USP42: variants seen among roughly 807,000 people sequenced by gnomAD.
USP42 encodes ubiquitin specific peptidase 42, also known as ubiquitin carboxyl-terminal hydrolase 42.
A neutral mutation model predicts 113.0 loss-of-function variants in USP42; 23 were observed. The observed-to-expected ratio is 0.20, with a 90% CI of 0.15 to 0.29. The LOEUF (loss-of-function observed/expected upper bound fraction) is 0.29, where lower values mean the gene tolerates loss of function less well. Ranked by LOEUF, USP42 falls within the 10% of genes least tolerant of loss-of-function variation. USP42 has a pLI of 1.00. For synonymous variants in USP42, 933 were observed against 699.0 expected (o/e 1.33, Z -5.28); for missense variants, 2,174 against 1,779.8 (o/e 1.22, Z -3.99).
At chr7:6,106,731 A>T (rs896758747) in intron 1 of USP42, among the ~76,000 whole-genome samples, 1 of 145,988 alleles carries the variant, frequency 6.8e-6, no homozygotes, top group African/African-American at 2.5e-5. Flanking sequence ...CACCCAGCTA[A>T]TTTTTTTTTT....
intron 14 of USP42, among the ~76,000 whole-genome samples, 182 bp downstream of exon 14, chr7:6,150,688 T>G (rs1293630573): frequency 6.6e-6 from 1 of 152,208 alleles, no homozygotes; most frequent in Non-Finnish European, 1.5e-5. Flanking sequence ...AGAAAAAATG[T>G]GGCATACAGG....
intron 3 of USP42, chr7:6,128,289 G>C (rs1263212260): frequency 2.0e-5 from 3 of 148,572 alleles, no homozygotes; most frequent in African/African-American, 7.5e-5. Flanking sequence ...TTGAGATGAG[G>C]TCTCACTCTG....
the USP42 span, among the ~76,000 whole-genome samples, chr7:6,082,108 A>G: frequency 6.6e-6 from 1 of 151,698 alleles, no homozygotes; most frequent in East Asian, 1.9e-4. Flanking sequence ...TGCAGAAAAT[A>G]TATATTTATG....
At position 6,154,762 on chromosome 7, in the gene USP42, G is replaced by T. The variant is rs1357485604; in HGVS notation, c.3208G>T (p.Ala1070Ser). Reference sequence around the variant, plus strand: ...CTACCATGACAGGTACGCCCTGTACGCTGCCCGGGACTGGAAGCCCTTCCA... The same window carrying T: ...CTACCATGACAGGTACGCCCTGTACTCTGCCCGGGACTGGAAGCCCTTCCA... ...RYYHDRYALY[A>S]ARDWKPFHGG... Residue 1070 changes from alanine (A) to serine (S), a missense_variant, in exon 15 of 18, where the codon GCT becomes TCT. Transcript: ENST00000306177. 3.9e-6 allele frequency: 6 copies of T among 1,558,040 alleles called. No homozygotes were observed. The highest frequency in any genetic ancestry group is 2.4e-5 in the East Asian group (1 of 41,328).
intron 12 of USP42, among the ~76,000 whole-genome samples, 167 bp from the exon 13 acceptor site, chr7:6,149,416 C>T (rs893452394): frequency 3.3e-5 from 5 of 150,022 alleles, no homozygotes; most frequent in Admixed American, 2.0e-4. Context: ...AAAGTATGCG[C>T]GGGTAGGAGG....
chr7:6,125,073 C>G (rs58988271), intron 3 of USP42, among the ~76,000 whole-genome samples: 20,371 of 150,438 alleles, frequency 0.14, 1,559 homozygotes, highest in African/African-American at 0.2. Context: ...TCCAGTTATT[C>G]AGGAGGCTGA....
At position 6,159,842 on chromosome 7, in the gene USP42, G is replaced by A. The variant is rs1460843906; in HGVS notation, c.*36+349G>A. Among the ~76,000 whole-genome samples, 2 of 152,078 alleles carry A rather than the reference G, an allele frequency of 1.3e-5. No homozygotes were observed. The highest frequency in any genetic ancestry group is 1.3e-4 in the Admixed American group (2 of 15,280). ...TAAACATCTGGGAAGGGAGAGGCCC[G>A]GTCCCCAGCACAGGCACCTCACTCA... On this transcript the variant is annotated intron_variant, in intron 17 of 17. Coordinates refer to ENST00000306177, the MANE Select transcript of USP42 (RefSeq NM_032172.3). The surrounding 1 kb of genome is among the most constrained non-coding windows in gnomAD (Gnocchi z 4.1).
intron 3 of USP42, among the ~76,000 whole-genome samples, chr7:6,123,077 C>T (rs980385889): frequency 3.9e-5 from 6 of 152,108 alleles, no homozygotes; most frequent in Non-Finnish European, 8.8e-5. Flanking sequence ...CCACCTGCCT[C>T]GGCCTCCCAA....
chr7:6,145,076 A>G (rs950587665), intron 9 of USP42, among the ~76,000 whole-genome samples: 10 of 152,130 alleles, frequency 6.6e-5, no homozygotes, highest in African/African-American at 2.4e-4. Context: ...GCTCATGCCT[A>G]TAATTCTAGC....
intron 17 of USP42, among the ~76,000 whole-genome samples, chr7:6,160,174 G>A (rs1406684907): frequency 6.6e-6 from 1 of 152,260 alleles, no homozygotes. Flanking sequence ...TAGTCAGCAA[G>A]AGGAATTTAA....
the USP42 span, among the ~76,000 whole-genome samples, chr7:6,097,889 C>CAA: frequency 3.3e-3 from 443 of 133,934 alleles, 2 homozygotes; most frequent in Non-Finnish European, 4.9e-3. Context: ...CGCGCCCGGC[C>CAA]TTCTTTTTCT....
At position 6,139,120 on chromosome 7, in the gene USP42, C is replaced by G; in HGVS notation, c.582C>G (p.Asn194Lys). 6.2e-7 allele frequency: 1 copy of G among 1,609,720 alleles called. No individual in the cohort carries two copies. ...RRIARHFRFG[N>K]QEDAHEFLQY... is the part of the protein sequence containing the mutation. Reference sequence around the variant, plus strand: ...TAGCTAGGCACTTCCGTTTTGGAAACCAAGAAGATGCCCATGAATTCCTTC... The same window carrying G: ...TAGCTAGGCACTTCCGTTTTGGAAAGCAAGAAGATGCCCATGAATTCCTTC... Residue 194 changes from asparagine to lysine, a missense_variant, in exon 5 of 18, where the codon AAC becomes AAG. Transcript: ENST00000306177. This position sits in a 1 kb window ranked among gnomAD's most constrained non-coding sequence, Gnocchi z 4.5.
chr7:6,083,738 A>G, the USP42 span, among the ~76,000 whole-genome samples: 2 of 150,656 alleles, frequency 1.3e-5, no homozygotes, highest in Non-Finnish European at 2.9e-5. Flanking sequence ...TTATGTTTTT[A>G]TTGTCTTCCA....
Position 6,158,471 on chromosome 7 carries a change from C to A in USP42, c.3944-979C>A, listed in dbSNP as rs1343983752. Among the ~76,000 whole-genome samples the A allele has an allele frequency of 1.3e-5, 2 of 150,008 alleles. No homozygotes were observed. The highest frequency in any genetic ancestry group is 4.9e-5 in the African/African-American group (2 of 40,906). On this transcript the variant is annotated intron_variant, in intron 16 of 17. Transcript: ENST00000306177. The surrounding 1 kb of genome is among the most constrained non-coding windows in gnomAD (Gnocchi z 4.2). ...TGTGGGTTAGGTGGAGCTGTGTGTT[C>A]TGGGGAAGGCCTGTCCCTCCCAGCA...
At chr7:6,115,241 T>G in intron 2 of USP42, 82 bp from the exon 3 acceptor site, 1 of 1,367,080 alleles carries the variant, frequency 7.3e-7, no homozygotes, top group Non-Finnish European at 1.0e-6. Flanking sequence ...TTGTAAAGAT[T>G]GAGGTTTGAC....
At position 6,142,777 on chromosome 7, in the gene USP42, G is replaced by A. The variant is rs561059743; in HGVS notation, c.796-155G>A. On this transcript the variant is annotated intron_variant, in intron 7 of 17. Transcript: ENST00000306177. ...GGCCATGCCTGTGGTTTAGCTGCTC[G>A]GGAGGCTGAGGTGAGAGGATTGCTT... Among the ~76,000 whole-genome samples, 15 of 152,214 alleles carry A rather than the reference G, an allele frequency of 9.9e-5. No homozygotes were observed. In the East Asian group the frequency reaches 2.3e-3, roughly 24 times the overall value.
At chr7:6,101,090 A>G (rs1398764779), upstream of USP42, among the ~76,000 whole-genome samples, 2 of 150,984 alleles carry the variant, frequency 1.3e-5, no homozygotes, top group African/African-American at 5.0e-5. Flanking sequence ...AATGAAAGGA[A>G]AGGGCAGTGA....
chr7:6,133,329 G>T (rs972310842), intron 3 of USP42, among the ~76,000 whole-genome samples: 1 of 152,076 alleles, frequency 6.6e-6, no homozygotes, highest in African/African-American at 2.4e-5. Context: ...ATGTATATCA[G>T]GGGCAACTTA....
chr7:6,141,025 A>G, intron 7 of USP42, 41 bp downstream of exon 7: 1 of 1,069,742 alleles, frequency 9.3e-7, no homozygotes, highest in Non-Finnish European at 1.4e-6. Flanking sequence ...TTTTTAAAAT[A>G]AGTCATTTTA....
Sources: allele counts gnomAD v4.1 joint callset (sites outside exome capture counted in the v4.1 genomes callset), GRCh38; gene constraint gnomAD v4.1.1; non-coding constraint Gnocchi (gnomAD v3.1); transcripts MANE v1.5; gene names NCBI Gene and HGNC (gene_info 2026-07-23, HGNC 2026-07-21).